The following GPRIN1 variants were observed in gnomAD, a reference collection of about 807,000 sequenced individuals.
GPRIN1 encodes G protein-regulated inducer of neurite outgrowth 1.
In GPRIN1, 4 loss-of-function variants were observed where a neutral mutation model predicts 2.8. That is an observed-to-expected ratio of 1.45 (90% confidence interval 0.71 to 3.32). The LOEUF is 3.32. Among genes scored for constraint, GPRIN1 ranks in the 30% most tolerant of loss-of-function variants. The probability of loss-of-function intolerance (pLI) is 0.01; values close to 1 mark genes in which losing one functional copy is unlikely to be tolerated. For synonymous variants in GPRIN1, 589 were observed against 589.9 expected (o/e 1.00, Z 0.02); for missense variants, 1,322 against 1,343.4 (o/e 0.98, Z 0.25).
At chr5:176,606,588 T>G (rs1284768222) in intron 1 of GPRIN1, among the ~76,000 whole-genome samples, 1 of 152,136 alleles carries the variant, frequency 6.6e-6, no homozygotes, top group East Asian at 1.9e-4. Context: ...GGGTGTACTC[T>G]CCAATCAGCC....
At position 176,597,708 on chromosome 5, in the gene GPRIN1, C is replaced by A. The variant is rs944640694; in HGVS notation, c.2127G>T (p.Lys709Asn). The stretch of plus-strand genomic sequence containing the variant: ...TCTTCTCCAGACTCAGGGGGACCAC[C>A]TTCCCCAAGGATGGGGACTCCGTTT... ...SRKTESPSLG[K>N]VVPLSLEKTK... The change falls in exon 2 of 2, where the codon AAG becomes AAT. Residue 709 changes from lysine (K) to asparagine (N), a missense_variant. Lys to Asn is a moderately conservative substitution (Grantham distance 94, BLOSUM62 0). Around this residue, in one of 3 missense-constraint regions of GPRIN1, gnomAD observed 1,117 missense variants for 1,128.6 expected, o/e 0.99. Transcript: ENST00000303991. This position sits in a 1 kb window ranked among gnomAD's most constrained non-coding sequence, Gnocchi z 6.1. The A allele has an allele frequency of 1.9e-6, 3 of 1,594,876 alleles. No individual in the cohort carries two copies. The highest frequency in any genetic ancestry group is 2.6e-6 in the Non-Finnish European group (3 of 1,170,578).
At position 176,601,664 on chromosome 5, in the gene GPRIN1, TAC is replaced by T. The variant is rs1581158052; in HGVS notation, c.-43-1789_-43-1788del. 2.6e-5 allele frequency among the ~76,000 whole-genome samples: 4 copies of T among 152,160 alleles called. No homozygotes were observed. In the East Asian group the frequency reaches 5.8e-4, roughly 22 times the overall value. On this transcript the variant is annotated intron_variant, in intron 1 of 1. Coordinates refer to ENST00000303991, the MANE Select transcript of GPRIN1 (RefSeq NM_052899.3). ...GGGCCTACAAGCAACCCCGTTCCGT[TAC>T]ACACTCAGTAGCCAAAGCAAATAGA...
Position 176,596,923 on chromosome 5 carries a change from A to C in GPRIN1, c.2912T>G (p.Val971Gly). The C allele has an allele frequency of 8.2e-7, 1 of 1,216,434 alleles. No homozygotes were observed. Among genetic ancestry groups the C allele is most frequent in the Non-Finnish European group, 1.0e-6 (1 of 979,602 alleles). 75.4% of individuals were successfully genotyped at this position (1,216,434 alleles called of 1,614,324 possible). A position where few individuals can be genotyped will look rare whatever the true frequency, so the allele number is the denominator to read the frequency against. The change falls in exon 2 of 2, where the codon GTG becomes GGG. Residue 971 changes from valine (V) to glycine (G), a missense_variant. Val to Gly is a moderately radical substitution (Grantham distance 109). Coordinates refer to ENST00000303991, the MANE Select transcript of GPRIN1 (RefSeq NM_052899.3). The surrounding 1 kb of genome is among the most constrained non-coding windows in gnomAD (Gnocchi z 5.2). ...GGCGCCATCTGGGGGCGCGGTGCGC[A>C]CCGAGCCCGAACGGCCGGGGCCGGC... ...ARAGPGRSGSVRTAPPDGAAK... is the reference protein window; with the variant it reads ...ARAGPGRSGSGRTAPPDGAAK...
chr5:176,597,526 G>T lies in GPRIN1; in HGVS notation c.2309C>A (p.Ala770Asp). ...GCAGGGGCTTCTCTCGGCCCCAGCG[G>T]CTTCCAGGTCTTTCTGGCCGAGACT... ...ASSLGQKDLE[A>D]AGAERSPCPE... The change falls in exon 2 of 2, where the codon GCC becomes GAC. Residue 770 changes from alanine to aspartate, a missense_variant. Transcript: ENST00000303991. The surrounding 1 kb of genome is among the most constrained non-coding windows in gnomAD (Gnocchi z 6.1). 6.6e-7 allele frequency: 1 copy of T among 1,507,462 alleles called. No individual in the cohort carries two copies. The highest frequency in any genetic ancestry group is 8.9e-7 in the Non-Finnish European group (1 of 1,128,686). The allele number at this position is 1,507,462 out of a possible 1,614,324, so 93.4% of individuals were successfully genotyped here.
At chr5:176,601,780 T>G (rs1759152037) in intron 1 of GPRIN1, among the ~76,000 whole-genome samples, 1 of 152,072 alleles carries the variant, frequency 6.6e-6, no homozygotes, top group South Asian at 2.1e-4. Flanking sequence ...ACACCCCACG[T>G]CTATCAGCAA....
At position 176,599,066 on chromosome 5, in the gene GPRIN1, C is replaced by G. The variant is rs759626683; in HGVS notation, c.769G>C (p.Glu257Gln). Residue 257 changes from glutamate (E) to glutamine (Q), a missense_variant, in exon 2 of 2, where the codon GAG (glutamate) becomes CAG (glutamine). This residue lies in a region of GPRIN1 where 1,117 missense variants were observed against 1,128.6 expected (regional missense o/e 0.99). Transcript: ENST00000303991. ...DKVDPVFPRKEEPRYSGKEHP... is the reference protein window; with the variant it reads ...DKVDPVFPRKQEPRYSGKEHP... ...TCTTTTCCTGAATACCTGGGCTCCTCCTTTCTTGGGAATACAGGGTCCACT... is the reference window on the plus strand; with the variant it reads ...TCTTTTCCTGAATACCTGGGCTCCTGCTTTCTTGGGAATACAGGGTCCACT... 1.1e-5 allele frequency: 17 copies of G among 1,614,096 alleles called. No homozygotes were observed. The highest frequency in any genetic ancestry group is 1.2e-5 in the Non-Finnish European group (14 of 1,180,042).
At position 176,597,336 on chromosome 5, in the gene GPRIN1, G is replaced by A; in HGVS notation, c.2499C>T (p.Asp833=). 1 of 1,246,988 alleles carries A rather than the reference G, an allele frequency of 8.0e-7. No homozygotes were observed. The allele number at this position is 1,246,988 out of a possible 1,614,324, so 77.2% of individuals were successfully genotyped here. The change falls in exon 2 of 2, where the codon GAC becomes GAT. Residue 833 remains aspartate, a synonymous_variant. Transcript: ENST00000303991. This position sits in a 1 kb window ranked among gnomAD's most constrained non-coding sequence, Gnocchi z 6.1. The part of the protein sequence containing the change: ...SVAVSPMSPQ[D]GAGGSAFSFQ... ...AGCTGAAGGCCGAGCCCCCAGCGCC[G>A]TCCTGCGGAGACATGGGGCTCACGG...
chr5:176,596,821 G>T lies in GPRIN1; in HGVS notation c.3014C>A (p.Pro1005His). 7.0e-7 allele frequency: 1 copy of T among 1,426,470 alleles called. No homozygotes were observed. The highest frequency in any genetic ancestry group is 9.2e-7 in the Non-Finnish European group (1 of 1,089,052). 88.4% of individuals were successfully genotyped at this position (1,426,470 alleles called of 1,614,324 possible). A position where few individuals can be genotyped will look rare whatever the true frequency, so the allele number is the denominator to read the frequency against. ...RRPRCCSRAG[P>H]TAE is the part of the protein sequence containing the mutation. ...AATGGGGGCAGATCACTCGGCCGTG[G>T]GTCCCGCCCGCGAGCAGCACCGCGG... The change falls in exon 2 of 2, where the codon CCC becomes CAC. Residue 1005 changes from proline (P) to histidine (H), a missense_variant. Around this residue, in one of 3 missense-constraint regions of GPRIN1, gnomAD observed 196 missense variants for 189.2 expected, o/e 1.04. Coordinates refer to ENST00000303991, the MANE Select transcript of GPRIN1 (RefSeq NM_052899.3). The surrounding 1 kb of genome is among the most constrained non-coding windows in gnomAD (Gnocchi z 5.2).
chr5:176,608,578 G>C (rs921039333), intron 1 of GPRIN1, among the ~76,000 whole-genome samples: 1 of 152,244 alleles, frequency 6.6e-6, no homozygotes, highest in Non-Finnish European at 1.5e-5. Flanking sequence ...CTTGTTGTGC[G>C]TATGTACACC....
In GPRIN1 at chr5:176,598,890, C is replaced by T. The variant is rs34833137; in HGVS notation, c.945G>A (p.Pro315=). The change falls in exon 2 of 2, where the codon CCG becomes CCA. Residue 315 remains proline (P), a synonymous_variant. Transcript: ENST00000303991. ...CTGGAATCAGCTTGCCCAGGAGCCC[C>T]GGCTCTGTCTTTCCTGTGGACGCAG... ...MDSASTGKTE[P]GLLGKLIPGS... 2.4e-3 allele frequency: 3,907 copies of T among 1,614,080 alleles called. 69 individuals are homozygous for T. In the African/African-American group the frequency reaches 0.044, roughly 18 times the overall value.
rs1006552318 is a variant in GPRIN1 at position 176,602,887 on chromosome 5, C to T, written c.-43-3010G>A. ...CAGGGGACAGCATCGCTACTGGGAT[C>T]CCACGCGTGTAGCCAAGGAAAAGGA... is the stretch of plus-strand genomic sequence containing the variant. On this transcript the variant is annotated intron_variant, in intron 1 of 1. Coordinates refer to ENST00000303991, the MANE Select transcript of GPRIN1 (RefSeq NM_052899.3). The surrounding 1 kb of genome is among the most constrained non-coding windows in gnomAD (Gnocchi z 4.4). Among the ~76,000 whole-genome samples, 16 of 152,112 alleles carry T rather than the reference C, an allele frequency of 1.1e-4. No homozygotes were observed. Among genetic ancestry groups the T allele is most frequent in the African/African-American group, 3.9e-4 (16 of 41,406 alleles).
Position 176,602,337 on chromosome 5 carries a change from T to C in GPRIN1, c.-43-2460A>G, listed in dbSNP as rs1429434129. Among the ~76,000 whole-genome samples the C allele has an allele frequency of 6.6e-6, 1 of 152,222 alleles. No individual in the cohort carries two copies. Among genetic ancestry groups the C allele is most frequent in the Non-Finnish European group, 1.5e-5 (1 of 68,036 alleles). ...TTTTCCTCCATAGTACCTGTCACCA[T>C]CTGACATATCACATATATTCGCTTA... On this transcript the variant is annotated intron_variant, in intron 1 of 1. Transcript: ENST00000303991. The surrounding 1 kb of genome is among the most constrained non-coding windows in gnomAD (Gnocchi z 4.4).
In GPRIN1 at chr5:176,597,164, C is replaced by T. The variant is rs768789912; in HGVS notation, c.2671G>A (p.Val891Met). ...GCCGCCAGCGCTGAGCCGGGCCGCA[C>T]CCGCACTTCGGGGAAGGCGGGCGGC... ...AAPPAFPEVR[V>M]RPGSALAAAV... Residue 891 changes from valine to methionine, a missense_variant, in exon 2 of 2, where the codon GTG becomes ATG. This residue lies in a region of GPRIN1 where 9 missense variants were observed against 25.6 expected (regional missense o/e 0.35). Transcript: ENST00000303991. The surrounding 1 kb of genome is among the most constrained non-coding windows in gnomAD (Gnocchi z 6.1). 2.9e-6 allele frequency: 4 copies of T among 1,394,434 alleles called. No individual in the cohort carries two copies. In the East Asian group the frequency reaches 1.1e-4, roughly 39 times the overall value. The allele number at this position is 1,394,434 out of a possible 1,614,324, so 86.4% of individuals were successfully genotyped here.
In GPRIN1 at chr5:176,606,608, C is replaced by G. The variant is rs149130412; in HGVS notation, c.-44+3391G>C. On this transcript the variant is annotated intron_variant, in intron 1 of 1. Coordinates refer to ENST00000303991, the MANE Select transcript of GPRIN1 (RefSeq NM_052899.3). ...TACTCTCCAATCAGCCACAATCCCC[C>G]CTCTTCCCCACGGTGTCCTAGACAC... Among the ~76,000 whole-genome samples, 803 of 152,296 alleles carry G rather than the reference C, an allele frequency of 5.3e-3. 3 individuals carry two copies. Among genetic ancestry groups the G allele is most frequent in the Admixed American group, 8.2e-3 (125 of 15,298 alleles).
In GPRIN1 at chr5:176,599,324, G is replaced by A; in HGVS notation, c.511C>T (p.Pro171Ser). ...ADSTSIGKED[P>S]GSSRKADPMF... ...GGATCTGCCTTCCGTGAGGACCCAG[G>A]ATCCTCCTTTCCTATGGAAGTGGAA... The change falls in exon 2 of 2, where the codon CCT becomes TCT. Residue 171 changes from proline to serine, a missense_variant. Pro to Ser is a moderately conservative substitution (Grantham distance 74). Around this residue, in one of 3 missense-constraint regions of GPRIN1, gnomAD observed 1,117 missense variants for 1,128.6 expected, o/e 0.99. Coordinates refer to ENST00000303991, the MANE Select transcript of GPRIN1 (RefSeq NM_052899.3). The A allele has an allele frequency of 7.4e-6, 12 of 1,614,228 alleles. No individual in the cohort carries two copies. Among genetic ancestry groups the A allele is most frequent in the Non-Finnish European group, 1.0e-5 (12 of 1,180,054 alleles).
rs529470194 is a variant in GPRIN1, at chr5:176,595,953, G to T, written c.*855C>A. ...GGGCTGGAGAGGGTGGCCTTTAAAA[G>T]ACAACTGTGGTTATAGAATGAGCTC... On this transcript the variant is annotated 3_prime_UTR_variant, in exon 2 of 2. Coordinates refer to ENST00000303991, the MANE Select transcript of GPRIN1 (RefSeq NM_052899.3). 8.0e-5 allele frequency: 25 copies of T among 313,148 alleles called. No individual in the cohort carries two copies. The highest frequency in any genetic ancestry group is 5.1e-4 in the African/African-American group (24 of 46,730). The allele number at this position is 313,148 out of a possible 1,614,324, so 19.4% of individuals were successfully genotyped here. A position where few individuals can be genotyped will look rare whatever the true frequency, so the allele number is the denominator to read the frequency against.
rs373152352 is a variant in GPRIN1, at chr5:176,597,714, C to A, written c.2121G>T (p.Leu707Phe). The part of the protein sequence containing the change: ...APSRKTESPS[L>F]GKVVPLSLEK... ...CCAGACTCAGGGGGACCACCTTCCC[C>A]AAGGATGGGGACTCCGTTTTTCTGG... The change falls in exon 2 of 2, where the codon TTG becomes TTT. Residue 707 changes from leucine (L) to phenylalanine (F), a missense_variant. Leu to Phe is a conservative substitution (Grantham distance 22, BLOSUM62 0). Transcript: ENST00000303991. The surrounding 1 kb of genome is among the most constrained non-coding windows in gnomAD (Gnocchi z 6.1). The A allele has an allele frequency of 4.5e-5, 72 of 1,595,654 alleles. No individual in the cohort carries two copies. In the East Asian group the frequency reaches 6.1e-4, roughly 13 times the overall value.
intron 1 of GPRIN1, among the ~76,000 whole-genome samples, chr5:176,608,584 A>G (rs1759261260): frequency 1.3e-5 from 2 of 152,186 alleles, no homozygotes; most frequent in South Asian, 4.1e-4. Context: ...GTGCGTATGT[A>G]CACCCTGCAT....
In GPRIN1 at chr5:176,599,263, C is replaced by T; in HGVS notation, c.572G>A (p.Gly191Glu). 1 of 1,614,088 alleles carries T rather than the reference C, an allele frequency of 6.2e-7. No individual in the cohort carries two copies. The highest frequency in any genetic ancestry group is 1.1e-5 in the South Asian group (1 of 91,078). Residue 191 changes from glycine to glutamate, a missense_variant, in exon 2 of 2, where the codon GGA becomes GAA. Physicochemically the swap from Gly to Glu is moderately conservative, Grantham distance 98 (BLOSUM62 -2). Around this residue, in one of 3 missense-constraint regions of GPRIN1, gnomAD observed 1,117 missense variants for 1,128.6 expected, o/e 0.99. Transcript: ENST00000303991. ...TCCAGGAGCCACAGGATCCCCCTTT[C>T]CCAAGATTTCAGGCTCTGCCTTTCC... ...FTGKAEPEIL[G>E]KGDPVAPGRM... is the part of the protein sequence containing the mutation.
Sources: gnomAD v4.1 joint callset for allele counts (sites outside exome capture counted in the v4.1 genomes callset) on GRCh38, gnomAD v4.1.1 for gene constraint, gnomAD v4.1.1 regional missense constraint, Gnocchi (gnomAD v3.1) non-coding constraint, MANE v1.5 for transcripts, NCBI Gene and HGNC (gene_info 2026-07-23, HGNC 2026-07-21) for gene names.